NDE1: variants seen among roughly 807,000 people sequenced by gnomAD.
NDE1 encodes the protein nudE neurodevelopment protein 1.
A neutral mutation model predicts 43.4 loss-of-function variants in NDE1; 28 were observed. The ratio of observed to expected loss-of-function variants is 0.65; its 90% CI spans 0.48 to 0.89. NDE1 has a LOEUF of 0.89. Among genes scored for constraint, NDE1 ranks in the 40% least tolerant of loss-of-function variants. The pLI, the probability that NDE1 is intolerant of heterozygous loss-of-function variation, is 0.00. For missense variants in NDE1, 441 were observed against 434.1 expected, an observed-to-expected ratio of 1.02 and a Z score of -0.14; for synonymous variants, 184 against 172.0, an observed-to-expected ratio of 1.07 and a Z score of -0.55.
At chr16:15,682,271 C>G (rs917657697) in intron 4 of NDE1, among the ~76,000 whole-genome samples, 1 of 152,030 alleles carries the variant, frequency 6.6e-6, no homozygotes, top group Non-Finnish European at 1.5e-5. Flanking sequence ...TTCAGCCTCC[C>G]CAGTAGCTGG....
At chr16:15,708,973 GTC>G (rs1453739297) in intron 8 of NDE1, 24 of 984,056 alleles carry the variant, frequency 2.4e-5, no homozygotes, top group Admixed American at 6.2e-5. Flanking sequence ...TTTTGAGATA[GTC>G]TCTGTCACCC....
At chr16:15,657,349 T>C (rs1052020182) in intron 1 of NDE1, among the ~76,000 whole-genome samples, 10 of 151,934 alleles carry the variant, frequency 6.6e-5, no homozygotes, top group African/African-American at 1.5e-4. Flanking sequence ...ACCACCCGCC[T>C]TGGCTTCCCA....
At chr16:15,704,703 G>C (rs2039355070) in intron 8 of NDE1, among the ~76,000 whole-genome samples, 1 of 150,920 alleles carries the variant, frequency 6.6e-6, no homozygotes, top group Non-Finnish European at 1.5e-5. Flanking sequence ...CCCCCTGCTG[G>C]TGTGAATGTT....
intron 3 of NDE1, among the ~76,000 whole-genome samples, chr16:15,676,233 T>TC (rs2037870422): frequency 6.8e-6 from 1 of 147,912 alleles, no homozygotes; most frequent in South Asian, 2.2e-4. Flanking sequence ...TGGTTTTTTT[T>TC]TTTTTTTTTG....
intron 8 of NDE1, chr16:15,717,180 T>G (rs1397844209): frequency 6.2e-7 from 1 of 1,614,170 alleles, no homozygotes; most frequent in Non-Finnish European, 8.5e-7. Flanking sequence ...TGTGCAATCT[T>G]GGCCTCCAGC....
chr16:15,717,971 C>T (rs1350503873), intron 8 of NDE1: 1 of 400,140 alleles, frequency 2.5e-6, no homozygotes, highest in East Asian at 5.5e-5. Flanking sequence ...TGCTCAGTGA[C>T]ATCACCAAGG....
At chr16:15,671,207 A>G (rs1465965934) in intron 3 of NDE1, among the ~76,000 whole-genome samples, 1 of 152,064 alleles carries the variant, frequency 6.6e-6, no homozygotes, top group East Asian at 1.9e-4. Flanking sequence ...GCTTCCTGTA[A>G]AAAGATGGAT....
upstream of NDE1, among the ~76,000 whole-genome samples, chr16:15,646,567 C>T (rs1344591262): frequency 6.8e-6 from 1 of 148,112 alleles, no homozygotes; most frequent in Non-Finnish European, 1.5e-5. Context: ...GGCAACAGAA[C>T]GAGACTCCGT....
At chr16:15,706,873 G>A (rs980500757) in intron 8 of NDE1, among the ~76,000 whole-genome samples, 7 of 152,262 alleles carry the variant, frequency 4.6e-5, no homozygotes, top group East Asian at 1.9e-4. Flanking sequence ...GCCCTGGGCC[G>A]TTGAAGCTCC....
At chr16:15,676,216 G>T (rs992986398) in intron 3 of NDE1, among the ~76,000 whole-genome samples, 167 of 96,066 alleles carry the variant, frequency 1.7e-3, no homozygotes, top group Middle Eastern at 6.6e-3. Context: ...TTCTTTCTTT[G>T]TTTTTCTGGT....
chr16:15,689,704 C>T (rs1361036220), intron 5 of NDE1, among the ~76,000 whole-genome samples: 1 of 152,068 alleles, frequency 6.6e-6, no homozygotes, highest in Non-Finnish European at 1.5e-5. Flanking sequence ...CTTTGGGAGG[C>T]CAAGGTGGGT....
chr16:15,644,514 A>G (rs1294356300), intron 1 of NDE1, among the ~76,000 whole-genome samples: 1 of 152,226 alleles, frequency 6.6e-6, no homozygotes, highest in Non-Finnish European at 1.5e-5. Flanking sequence ...GCAGTGGCTC[A>G]GGCCTGTATT....
chr16:15,719,748 T>A, intron 8 of NDE1: 1 of 1,613,644 alleles, frequency 6.2e-7, no homozygotes, highest in South Asian at 1.1e-5. Flanking sequence ...AGCTCAGATG[T>A]CCTTACTCCC....
chr16:15,685,213 G>T (rs993374327), intron 4 of NDE1, among the ~76,000 whole-genome samples: 1 of 152,046 alleles, frequency 6.6e-6, no homozygotes, highest in African/African-American at 2.4e-5. Context: ...TTCTGGTATT[G>T]TACTCCGAAG....
chr16:15,688,887 G>A (rs1234315816), intron 5 of NDE1, among the ~76,000 whole-genome samples: 1 of 150,984 alleles, frequency 6.6e-6, no homozygotes, highest in African/African-American at 2.4e-5. Context: ...TAATAGAGAT[G>A]GGGTTTCACC....
intron 8 of NDE1, chr16:15,699,986 C>T: frequency 8.4e-7 from 1 of 1,194,790 alleles, no homozygotes; most frequent in South Asian, 1.5e-5. Flanking sequence ...ATCACCTGTG[C>T]TCTGGGGTTT....
intron 8 of NDE1, among the ~76,000 whole-genome samples, chr16:15,719,912 G>A (rs758256147): frequency 2.0e-5 from 3 of 152,178 alleles, no homozygotes; most frequent in Non-Finnish European, 4.4e-5. Context: ...CCACAGACCT[G>A]CCTGAGAAGC....
At chr16:15,665,428 T>C (rs555795140) in intron 2 of NDE1, among the ~76,000 whole-genome samples, 2 of 152,028 alleles carry the variant, frequency 1.3e-5, no homozygotes, top group South Asian at 4.1e-4. Flanking sequence ...ACTTTACATT[T>C]TGTTTTCTTA....
intron 4 of NDE1, among the ~76,000 whole-genome samples, chr16:15,684,867 A>G (rs1016479419): frequency 4.6e-5 from 7 of 152,196 alleles, no homozygotes; most frequent in African/African-American, 7.2e-5. Flanking sequence ...AACCAGTAGC[A>G]TACTATTCTT....
Sources: allele counts gnomAD v4.1 joint callset (sites outside exome capture counted in the v4.1 genomes callset), GRCh38; gene constraint gnomAD v4.1.1; transcripts MANE v1.5; gene names NCBI Gene and HGNC (gene_info 2026-07-23, HGNC 2026-07-21).